Variants in LHFPL2 observed in about 807,000 individuals in gnomAD.
LHFPL2 encodes the protein LHFPL tetraspan subfamily member 2 protein.
LHFPL2 carries 7 observed loss-of-function variants against 17.5 expected under a neutral mutation model. That is an observed-to-expected ratio of 0.40 (90% CI 0.23 to 0.75). LHFPL2 has a LOEUF of 0.75. Among genes scored for constraint, LHFPL2 ranks in the 30% least tolerant of loss-of-function variants. The pLI is 0.37. For missense variants in LHFPL2, 241 were observed against 294.8 expected (o/e 0.82, Z 1.34); for synonymous variants, 134 against 116.2 (o/e 1.15, Z -0.99).
chr5:78,492,700 A>G (rs1044082738), intron 4 of LHFPL2, among the ~76,000 whole-genome samples: 2 of 152,216 alleles, frequency 1.3e-5, no homozygotes, highest in Admixed American at 6.5e-5. Flanking sequence ...TTTAAGTCAC[A>G]TAAGAGTGCC....
At chr5:78,514,656 G>A (rs1451014710) in intron 3 of LHFPL2, among the ~76,000 whole-genome samples, 1 of 152,150 alleles carries the variant, frequency 6.6e-6, no homozygotes, top group Non-Finnish European at 1.5e-5. Context: ...AGAAACTCAG[G>A]AGCAAAGTTC....
intron 2 of LHFPL2, among the ~76,000 whole-genome samples, chr5:78,600,814 A>T (rs1222840483): frequency 1.3e-5 from 2 of 152,226 alleles, no homozygotes; most frequent in African/African-American, 4.8e-5. Flanking sequence ...CTAACAAAAT[A>T]GTATGAAGGA....
intron 3 of LHFPL2, among the ~76,000 whole-genome samples, chr5:78,558,771 T>C (rs548584193): frequency 6.6e-6 from 1 of 152,300 alleles, no homozygotes; most frequent in Admixed American, 6.5e-5. Flanking sequence ...TCCGGTCACA[T>C]CAACACTGAG....
intron 2 of LHFPL2, among the ~76,000 whole-genome samples, chr5:78,630,668 A>G (rs1745211674): frequency 6.6e-6 from 1 of 152,084 alleles, no homozygotes; most frequent in Non-Finnish European, 1.5e-5. Flanking sequence ...CTACTTTTAC[A>G]TGGCACTTAC....
chr5:78,597,606 C>T (rs373094918), intron 2 of LHFPL2, among the ~76,000 whole-genome samples: 14 of 152,090 alleles, frequency 9.2e-5, no homozygotes, highest in East Asian at 7.7e-4. Flanking sequence ...AACTCTAAGA[C>T]CCAATTCTTC....
chr5:78,606,892 G>C (rs1744231926), intron 2 of LHFPL2, among the ~76,000 whole-genome samples: 1 of 151,428 alleles, frequency 6.6e-6, no homozygotes, highest in African/African-American at 2.4e-5. Context: ...GGCCAGGCTG[G>C]TCTTGAACTC....
chr5:78,558,723 A>C (rs906189566), intron 3 of LHFPL2, among the ~76,000 whole-genome samples: 1 of 152,206 alleles, frequency 6.6e-6, no homozygotes, highest in Non-Finnish European at 1.5e-5. Context: ...GCAATAATCC[A>C]TCAGACAGAA....
At chr5:78,501,203 T>TG (rs1400633356) in intron 4 of LHFPL2, among the ~76,000 whole-genome samples, 2 of 152,222 alleles carry the variant, frequency 1.3e-5, no homozygotes, top group African/African-American at 4.8e-5. Flanking sequence ...AAAATAGCCT[T>TG]TATTATCTCC....
At chr5:78,628,551 TCA>T (rs1491535305) in intron 2 of LHFPL2, among the ~76,000 whole-genome samples, 1 of 152,026 alleles carries the variant, frequency 6.6e-6, no homozygotes, top group Non-Finnish European at 1.5e-5. Context: ...CCCTTCTCAC[TCA>T]GAGTATTGGC....
At chr5:78,605,157 CAGA>C (rs1744169825) in intron 2 of LHFPL2, among the ~76,000 whole-genome samples, 1 of 152,218 alleles carries the variant, frequency 6.6e-6, no homozygotes, top group Non-Finnish European at 1.5e-5. Context: ...AAGCCAAGTG[CAGA>C]AGCCATGGCT....
Position 78,591,292 on chromosome 5 carries a change from A to T in LHFPL2, c.-244-26421T>A, listed in dbSNP as rs1743618403. ...ACAAATGAAATTCAAAGAACGGGGG[A>T]AGCAGTTGACCTCAAGTGCCCTGCA... On this transcript the variant is annotated intron_variant, in intron 2 of 4. Transcript: ENST00000380345. Among the ~76,000 whole-genome samples, 11 of 152,290 alleles carry T rather than the reference A, an allele frequency of 7.2e-5. 1 individual carries two copies. The South Asian group carries it at 2.3e-3, about 32-fold the overall frequency.
At chr5:78,555,017 G>T (rs1756536115) in intron 3 of LHFPL2, among the ~76,000 whole-genome samples, 1 of 152,158 alleles carries the variant, frequency 6.6e-6, no homozygotes, top group South Asian at 2.1e-4. Context: ...AGAATCTTAT[G>T]AAAATATTTG....
intron 3 of LHFPL2, among the ~76,000 whole-genome samples, chr5:78,533,514 C>G (rs1284800209): frequency 1.3e-5 from 2 of 152,186 alleles, no homozygotes; most frequent in Non-Finnish European, 2.9e-5. Context: ...TAAGTATAAG[C>G]ACAGCTCTTC....
chr5:78,571,829 G>C (rs928693808), intron 2 of LHFPL2, among the ~76,000 whole-genome samples: 1 of 152,228 alleles, frequency 6.6e-6, no homozygotes. Flanking sequence ...GAAATGTCTA[G>C]CTAGGTAAGT....
chr5:78,556,126 C>A (rs1756566835), intron 3 of LHFPL2, among the ~76,000 whole-genome samples: 1 of 152,196 alleles, frequency 6.6e-6, no homozygotes, highest in South Asian at 2.1e-4. Context: ...CAAGAAGCCA[C>A]ATGAGAACTT....
chr5:78,578,544 C>T (rs1171790133), intron 2 of LHFPL2, among the ~76,000 whole-genome samples: 2 of 151,502 alleles, frequency 1.3e-5, no homozygotes, highest in Non-Finnish European at 2.9e-5. Context: ...CCACATTTAC[C>T]CCTGTTTAGG....
chr5:78,582,283 C>A (rs1266529885), intron 2 of LHFPL2, among the ~76,000 whole-genome samples: 1 of 151,810 alleles, frequency 6.6e-6, no homozygotes, highest in African/African-American at 2.4e-5. Flanking sequence ...GTCTCTATTT[C>A]CTTCAGTTCT....
intron 2 of LHFPL2, among the ~76,000 whole-genome samples, chr5:78,602,632 T>C (rs1454563076): frequency 6.6e-6 from 1 of 152,090 alleles, no homozygotes; most frequent in Non-Finnish European, 1.5e-5. Flanking sequence ...TGAGAACTTA[T>C]CCTGGGCAGA....
chr5:78,507,906 A>G (rs1754979111), intron 4 of LHFPL2, among the ~76,000 whole-genome samples: 2 of 151,402 alleles, frequency 1.3e-5, no homozygotes, highest in African/African-American at 4.9e-5. Context: ...CTTCAGTAAT[A>G]CTTCCCTGCA....
Sources: gnomAD v4.1 joint callset for allele counts (sites outside exome capture counted in the v4.1 genomes callset) on GRCh38, gnomAD v4.1.1 for gene constraint, MANE v1.5 for transcripts, NCBI Gene and HGNC (gene_info 2026-07-23, HGNC 2026-07-21) for gene names.